VSNL1: variants seen among roughly 807,000 people sequenced by gnomAD.
The protein encoded by VSNL1 is visinin like 1, also known as visinin-like protein 1.
VSNL1 carries 6 observed loss-of-function variants against 20.4 expected under a neutral mutation model. The observed-to-expected ratio is 0.29, with a 90% CI of 0.16 to 0.58. The LOEUF is 0.58. Among genes scored for constraint, VSNL1 ranks in the 20% least tolerant of loss-of-function variants. VSNL1 has a pLI of 0.90. For missense variants in VSNL1, 100 were observed against 234.5 expected, an observed-to-expected ratio of 0.43 and a Z score of 3.75; for synonymous variants, 93 against 86.4, an observed-to-expected ratio of 1.08 and a Z score of -0.42.
At chr2:17,561,124 C>T (rs1254857541) in intron 1 of VSNL1, among the ~76,000 whole-genome samples, 1 of 152,142 alleles carries the variant, frequency 6.6e-6, no homozygotes, top group Non-Finnish European at 1.5e-5. Flanking sequence ...AAGAGATAGA[C>T]TTCTTGATAG....
intron 1 of VSNL1, among the ~76,000 whole-genome samples, chr2:17,588,439 G>C (rs183096332): frequency 6.6e-6 from 1 of 152,330 alleles, no homozygotes; most frequent in African/African-American, 2.4e-5. Context: ...GACAGAGCCA[G>C]CCTGCTTCCC....
chr2:17,616,936 G>A (rs1046933905), intron 2 of VSNL1, among the ~76,000 whole-genome samples: 1 of 152,208 alleles, frequency 6.6e-6, no homozygotes, highest in Non-Finnish European at 1.5e-5. Flanking sequence ...GATGGGGAGT[G>A]TAACACAGAG....
chr2:17,597,082 A>G (rs1029705019), intron 2 of VSNL1, among the ~76,000 whole-genome samples: 8 of 152,150 alleles, frequency 5.3e-5, no homozygotes, highest in African/African-American at 1.9e-4. Flanking sequence ...TCAACAGGAA[A>G]ATGTGCCCTA....
At chr2:17,627,236 G>T (rs945510017) in intron 2 of VSNL1, among the ~76,000 whole-genome samples, 28 of 152,124 alleles carry the variant, frequency 1.8e-4, no homozygotes, top group African/African-American at 6.8e-4. Context: ...TGCTTCTAGG[G>T]CTTACTCATT....
intron 2 of VSNL1, among the ~76,000 whole-genome samples, chr2:17,614,820 T>C (rs1410034153): frequency 1.3e-5 from 2 of 152,184 alleles, no homozygotes; most frequent in Admixed American, 1.3e-4. Context: ...AAGCTTTGGG[T>C]CAGATAGAGC....
At chr2:17,553,151 G>A (rs561084355) in intron 1 of VSNL1, among the ~76,000 whole-genome samples, 2 of 152,158 alleles carry the variant, frequency 1.3e-5, no homozygotes, top group Non-Finnish European at 2.9e-5. Context: ...TTCTTATTAA[G>A]AGGAAACTTC....
At chr2:17,628,253 A>T (rs576369325) in intron 2 of VSNL1, among the ~76,000 whole-genome samples, 1 of 152,368 alleles carries the variant, frequency 6.6e-6, no homozygotes, top group South Asian at 2.1e-4. Context: ...TGGGTCTGGC[A>T]CATATTGGAT....
At chr2:17,636,407 C>T (rs1205977472) in intron 2 of VSNL1, among the ~76,000 whole-genome samples, 1 of 152,190 alleles carries the variant, frequency 6.6e-6, no homozygotes, top group East Asian at 1.9e-4. Flanking sequence ...GATGCTCACA[C>T]CATGACATGC....
chr2:17,600,895 T>C (rs1664806914), intron 2 of VSNL1, among the ~76,000 whole-genome samples: 1 of 152,162 alleles, frequency 6.6e-6, no homozygotes, highest in South Asian at 2.1e-4. Context: ...CAAGGTCCCA[T>C]GTGAGGCTCC....
At chr2:17,592,967 C>T (rs147097509) in intron 2 of VSNL1, among the ~76,000 whole-genome samples, 1 of 152,076 alleles carries the variant, frequency 6.6e-6, no homozygotes, top group South Asian at 2.1e-4. Flanking sequence ...TTCGTGTATA[C>T]TTATGTAATG....
intron 2 of VSNL1, among the ~76,000 whole-genome samples, chr2:17,640,293 GC>G (rs573997327): frequency 4.9e-4 from 73 of 149,588 alleles, no homozygotes; most frequent in Non-Finnish European, 9.4e-4. Flanking sequence ...AGAAACTAAA[GC>G]TTTGAAAAGA....
At chr2:17,562,720 A>G (rs1462744327) in intron 1 of VSNL1, among the ~76,000 whole-genome samples, 1 of 152,250 alleles carries the variant, frequency 6.6e-6, no homozygotes, top group Non-Finnish European at 1.5e-5. Context: ...CAGAGCCATC[A>G]GGAACCAGCA....
In VSNL1 at chr2:17,655,586, T is replaced by C; in HGVS notation, c.*192T>C. Reference sequence around the variant, plus strand: ...ATGAGAATGTCATTTGCTAATGAATTTTAAAAGCATATATAAAACAAAACA... The same window carrying C: ...ATGAGAATGTCATTTGCTAATGAATCTTAAAAGCATATATAAAACAAAACA... On this transcript the variant is annotated 3_prime_UTR_variant, in exon 4 of 4. Transcript: ENST00000295156. This position sits in a 1 kb window ranked among gnomAD's most constrained non-coding sequence, Gnocchi z 5.2. 1 of 571,504 alleles carries C rather than the reference T, an allele frequency of 1.7e-6. No individual in the cohort carries two copies. The highest frequency in any genetic ancestry group is 3.0e-6 in the Non-Finnish European group (1 of 328,630). The allele number at this position is 571,504 out of a possible 1,614,324, so 35.4% of individuals were successfully genotyped here. A position where few individuals can be genotyped will look rare whatever the true frequency, so the allele number is the denominator to read the frequency against.
intron 2 of VSNL1, among the ~76,000 whole-genome samples, chr2:17,640,080 T>C (rs1264392645): frequency 6.6e-6 from 1 of 151,632 alleles, no homozygotes; most frequent in Admixed American, 6.6e-5. Flanking sequence ...TGAAACCCGG[T>C]CTCTACTAAA....
chr2:17,588,536 A>G (rs543313308), intron 1 of VSNL1, among the ~76,000 whole-genome samples: 1 of 152,220 alleles, frequency 6.6e-6, no homozygotes, highest in Non-Finnish European at 1.5e-5. Context: ...TCCCATAATG[A>G]AAGATACTGC....
At chr2:17,603,063 A>G (rs1186385397) in intron 2 of VSNL1, among the ~76,000 whole-genome samples, 1 of 152,188 alleles carries the variant, frequency 6.6e-6, no homozygotes, top group Non-Finnish European at 1.5e-5. Context: ...TTTCTGTATA[A>G]ATAACTTCAC....
At chr2:17,601,295 C>A (rs779886355) in intron 2 of VSNL1, among the ~76,000 whole-genome samples, 19 of 152,200 alleles carry the variant, frequency 1.2e-4, no homozygotes, top group Admixed American at 9.8e-4. Context: ...TAGTAATTCT[C>A]TGCAGCAGAT....
intron 1 of VSNL1, among the ~76,000 whole-genome samples, chr2:17,553,542 G>A (rs1224271933): frequency 6.6e-6 from 1 of 152,062 alleles, no homozygotes; most frequent in Non-Finnish European, 1.5e-5. Context: ...ATGAACTTGA[G>A]CAAGTTACTT....
At chr2:17,629,307 T>C (rs1665580872) in intron 2 of VSNL1, among the ~76,000 whole-genome samples, 1 of 152,148 alleles carries the variant, frequency 6.6e-6, no homozygotes, top group Non-Finnish European at 1.5e-5. Flanking sequence ...CCGTGTTACG[T>C]AGGGCAACAC....
Sources: allele counts gnomAD v4.1 joint callset (sites outside exome capture counted in the v4.1 genomes callset), GRCh38; gene constraint gnomAD v4.1.1; non-coding constraint Gnocchi (gnomAD v3.1); transcripts MANE v1.5; gene names NCBI Gene and HGNC (gene_info 2026-07-23, HGNC 2026-07-21).